Variants in ASPRV1 observed in about 807,000 individuals in gnomAD.
ASPRV1 encodes retroviral-like aspartic protease 1.
ASPRV1 carries 7 observed loss-of-function variants against 11.0 expected under a neutral mutation model. That is an observed-to-expected ratio of 0.64 (90% CI 0.36 to 1.20). The LOEUF (loss-of-function observed/expected upper bound fraction) is 1.20. ASPRV1 is among the 50% of genes most tolerant of loss of function. ASPRV1 has a pLI of 0.02. For missense variants in ASPRV1, 299 were observed against 320.0 expected (o/e 0.93, Z 0.50); for synonymous variants, 136 against 138.4 (o/e 0.98, Z 0.12).
chr2:69,992,260 G>A, the ASPRV1 span, among the ~76,000 whole-genome samples: 3 of 152,182 alleles, frequency 2.0e-5, no homozygotes, highest in African/African-American at 7.2e-5. Flanking sequence ...GCCTAGCCGA[G>A]GGGAGTCGCT....
chr2:69,936,038 T>G, the ASPRV1 span, among the ~76,000 whole-genome samples: 2 of 152,056 alleles, frequency 1.3e-5, no homozygotes, highest in East Asian at 1.9e-4. Context: ...CCAGCCCTTC[T>G]TCCAGTCCCT....
chr2:69,959,851 T>C (rs1214892182), downstream of ASPRV1, among the ~76,000 whole-genome samples: 4 of 152,222 alleles, frequency 2.6e-5, no homozygotes, highest in Non-Finnish European at 2.9e-5. Flanking sequence ...TATGCTAAAA[T>C]ACTACAGATT....
At chr2:70,058,008 T>C in the ASPRV1 span, among the ~76,000 whole-genome samples, 92 of 152,028 alleles carry the variant, frequency 6.1e-4, no homozygotes, top group African/African-American at 2.1e-3. Flanking sequence ...TTGGCCAGGA[T>C]GGTCTTGATC....
chr2:70,039,739 T>C, the ASPRV1 span, among the ~76,000 whole-genome samples: 1 of 152,238 alleles, frequency 6.6e-6, no homozygotes, highest in African/African-American at 2.4e-5. Context: ...TCCAAGGTTC[T>C]AGCCCTCAGA....
chr2:70,060,531 C>G, the ASPRV1 span, among the ~76,000 whole-genome samples: 1 of 151,694 alleles, frequency 6.6e-6, no homozygotes, highest in Non-Finnish European at 1.5e-5. Flanking sequence ...TGGGCATAGT[C>G]GCCGGGCACA....
chr2:69,997,376 C>G, the ASPRV1 span, among the ~76,000 whole-genome samples: 3 of 152,082 alleles, frequency 2.0e-5, no homozygotes, highest in African/African-American at 7.2e-5. Flanking sequence ...TTATCCTCAC[C>G]AGGAGCCCAG....
rs1447787288 is a variant in ASPRV1 at position 69,960,648 on chromosome 2, G to A, written c.*9C>T. The A allele has an allele frequency of 1.2e-6, 2 of 1,602,616 alleles. No individual in the cohort carries two copies. Among genetic ancestry groups the A allele is most frequent in the African/African-American group, 2.7e-5 (2 of 74,476 alleles). Reference sequence around the variant, plus strand: ...CCAATATTTAGGAGGTTAAAGAAAAGGTGGCTTCTCAGTGGGATAGCTCCT... The same window carrying A: ...CCAATATTTAGGAGGTTAAAGAAAAAGTGGCTTCTCAGTGGGATAGCTCCT... On this transcript the variant is annotated 3_prime_UTR_variant, in exon 1 of 1. Transcript: ENST00000320256.
the ASPRV1 span, chr2:70,053,884 CTT>C: frequency 6.6e-6 from 1 of 152,250 alleles, no homozygotes. Flanking sequence ...AGAGGAACCT[CTT>C]TCTCTCTCCA....
At chr2:69,938,085 T>G in the ASPRV1 span, 1 of 1,612,562 alleles carries the variant, frequency 6.2e-7, no homozygotes, top group South Asian at 1.1e-5. Flanking sequence ...TTCTCTCTTG[T>G]CCTCCCTGCA....
the ASPRV1 span, among the ~76,000 whole-genome samples, chr2:69,953,619 A>C: frequency 6.6e-6 from 1 of 152,242 alleles, no homozygotes; most frequent in African/African-American, 2.4e-5. Context: ...CCAGGGTAAA[A>C]AGAGCTCACC....
chr2:70,021,383 A>C, the ASPRV1 span, among the ~76,000 whole-genome samples: 1 of 146,216 alleles, frequency 6.8e-6, no homozygotes, highest in Non-Finnish European at 1.5e-5. Context: ...CAGTGGCGTG[A>C]TCTCAGCTCA....
At chr2:69,964,041 G>A (rs1475919146), upstream of ASPRV1, among the ~76,000 whole-genome samples, 1 of 152,194 alleles carries the variant, frequency 6.6e-6, no homozygotes, top group African/African-American at 2.4e-5. Flanking sequence ...ATTGGCAAAT[G>A]CTAAATCAAG....
chr2:69,995,304 G>C, the ASPRV1 span: 1 of 151,146 alleles, frequency 6.6e-6, no homozygotes, highest in Non-Finnish European at 1.5e-5. Context: ...CAGAAGAATG[G>C]TGCGAACCCG....
chr2:70,027,754 G>T, the ASPRV1 span, among the ~76,000 whole-genome samples: 3 of 152,156 alleles, frequency 2.0e-5, no homozygotes, highest in African/African-American at 7.2e-5. Context: ...TAGATAAAAG[G>T]AATAAGTTCT....
the ASPRV1 span, among the ~76,000 whole-genome samples, chr2:70,006,718 G>C: frequency 6.6e-6 from 1 of 152,134 alleles, no homozygotes; most frequent in Non-Finnish European, 1.5e-5. Flanking sequence ...GGAAGCAAGT[G>C]GGATCTGTAC....
At chr2:69,990,652 A>T in the ASPRV1 span, among the ~76,000 whole-genome samples, 11 of 152,092 alleles carry the variant, frequency 7.2e-5, no homozygotes, top group East Asian at 1.9e-3. Context: ...ATGAGGTCTT[A>T]CTATGTTGCC....
At chr2:69,964,051 G>T (rs1678246292), upstream of ASPRV1, among the ~76,000 whole-genome samples, 1 of 152,192 alleles carries the variant, frequency 6.6e-6, no homozygotes, top group Non-Finnish European at 1.5e-5. Flanking sequence ...GCTAAATCAA[G>T]ACTTTTTCCC....
upstream of ASPRV1, chr2:69,963,318 T>C (rs573769048): frequency 2.4e-5 from 11 of 456,480 alleles, 1 homozygote; most frequent in South Asian, 1.7e-4. Flanking sequence ...GAAGACTGTA[T>C]AATGAAAAAC....
At chr2:70,017,319 T>C in the ASPRV1 span, among the ~76,000 whole-genome samples, 2 of 152,186 alleles carry the variant, frequency 1.3e-5, no homozygotes, top group African/African-American at 4.8e-5. Context: ...GAGAAAGGTA[T>C]TCAACAAAAT....
Sources: allele counts gnomAD v4.1 joint callset (sites outside exome capture counted in the v4.1 genomes callset), GRCh38; gene constraint gnomAD v4.1.1; transcripts MANE v1.5; gene names NCBI Gene and HGNC (gene_info 2026-07-23, HGNC 2026-07-21).